SLC24A2: variants seen among roughly 807,000 people sequenced by gnomAD.
The protein encoded by SLC24A2 is sodium/potassium/calcium exchanger 2.
In SLC24A2, 36 loss-of-function variants were observed where a neutral mutation model predicts 62.0. The ratio of observed to expected loss-of-function variants is 0.58; its 90% CI spans 0.44 to 0.77. The LOEUF is 0.77. Ranked by LOEUF, SLC24A2 falls within the 30% of genes least tolerant of loss-of-function variation. The pLI is 0.00. For missense variants in SLC24A2, 846 were observed against 817.9 expected (o/e 1.03, Z -0.42); for synonymous variants, 358 against 294.0 (o/e 1.22, Z -2.23).
the SLC24A2 span, among the ~76,000 whole-genome samples, chr9:20,009,383 C>CAAAA: frequency 5.3e-4 from 59 of 112,318 alleles, no homozygotes; most frequent in East Asian, 0.019. Flanking sequence ...AACTCTGTCT[C>CAAAA]AAAAAAAAAA....
At chr9:19,991,846 A>G in the SLC24A2 span, among the ~76,000 whole-genome samples, 1 of 152,196 alleles carries the variant, frequency 6.6e-6, no homozygotes, top group Non-Finnish European at 1.5e-5. Context: ...CATTCAAAAT[A>G]GACATGAGCA....
chr9:20,112,990 C>A, the SLC24A2 span, among the ~76,000 whole-genome samples: 1 of 152,104 alleles, frequency 6.6e-6, no homozygotes, highest in Non-Finnish European at 1.5e-5. Flanking sequence ...GCAAGTAATT[C>A]TGGGTTCAAC....
intron 2 of SLC24A2, among the ~76,000 whole-genome samples, chr9:19,654,699 G>GTGTA (rs964609451): frequency 1.3e-5 from 2 of 151,982 alleles, no homozygotes; most frequent in African/African-American, 4.8e-5. Flanking sequence ...ATTTACCTAT[G>GTGTA]TATACCCTTT....
chr9:20,180,063 A>C, the SLC24A2 span, among the ~76,000 whole-genome samples: 1 of 152,220 alleles, frequency 6.6e-6, no homozygotes, highest in Non-Finnish European at 1.5e-5. Context: ...TGCCTGGCTA[A>C]AATCAACATA....
At chr9:19,533,560 C>T (rs1460724029) in intron 8 of SLC24A2, among the ~76,000 whole-genome samples, 1 of 152,154 alleles carries the variant, frequency 6.6e-6, no homozygotes, top group Non-Finnish European at 1.5e-5. Flanking sequence ...CGGCACTTTG[C>T]CATTATGTGA....
chr9:20,077,553 A>G, the SLC24A2 span, among the ~76,000 whole-genome samples: 280 of 152,314 alleles, frequency 1.8e-3, no homozygotes, highest in Non-Finnish European at 3.4e-3. Context: ...ACCAGCTTTC[A>G]GATGAGCACC....
chr9:19,536,181 T>C (rs969337305), intron 8 of SLC24A2, among the ~76,000 whole-genome samples: 1 of 150,952 alleles, frequency 6.6e-6, no homozygotes, highest in Non-Finnish European at 1.5e-5. Context: ...AAATTTTCTT[T>C]TTTTTTAATT....
the SLC24A2 span, among the ~76,000 whole-genome samples, chr9:20,019,228 A>T: frequency 2.0e-5 from 3 of 150,180 alleles, no homozygotes; most frequent in Admixed American, 1.3e-4. Flanking sequence ...AGACAGAAAG[A>T]AAGAAAGAAA....
At chr9:19,770,437 T>C (rs1312079677) in intron 2 of SLC24A2, among the ~76,000 whole-genome samples, 1 of 152,198 alleles carries the variant, frequency 6.6e-6, no homozygotes, top group African/African-American at 2.4e-5. Context: ...ATCCTTTCTA[T>C]AAAGACTATT....
At chr9:19,754,307 T>A (rs1277564079) in intron 2 of SLC24A2, among the ~76,000 whole-genome samples, 1 of 152,120 alleles carries the variant, frequency 6.6e-6, no homozygotes, top group Non-Finnish European at 1.5e-5. Context: ...CTATCCTCCT[T>A]CCCCAAGGCA....
intron 2 of SLC24A2, among the ~76,000 whole-genome samples, chr9:19,625,859 G>A (rs977169399): frequency 2.2e-4 from 33 of 151,800 alleles, no homozygotes; most frequent in African/African-American, 7.7e-4. Context: ...GCTAATTTTT[G>A]TATTCTTAGT....
At chr9:19,909,970 G>A in the SLC24A2 span, among the ~76,000 whole-genome samples, 2 of 151,846 alleles carry the variant, frequency 1.3e-5, no homozygotes, top group Non-Finnish European at 2.9e-5. Flanking sequence ...CCTTCCACTG[G>A]CCCTTCCATA....
chr9:20,234,258 A>G, the SLC24A2 span, among the ~76,000 whole-genome samples: 1 of 152,118 alleles, frequency 6.6e-6, no homozygotes, highest in Admixed American at 6.5e-5. Context: ...TATTTCCTGA[A>G]TTTGAATGTT....
At chr9:20,166,638 G>A in the SLC24A2 span, among the ~76,000 whole-genome samples, 1 of 152,072 alleles carries the variant, frequency 6.6e-6, no homozygotes, top group Middle Eastern at 3.4e-3. Flanking sequence ...GTAAGTTTAA[G>A]CCAGAAAATA....
intron 2 of SLC24A2, among the ~76,000 whole-genome samples, chr9:19,695,596 T>C (rs1461144125): frequency 6.8e-6 from 1 of 147,786 alleles, no homozygotes; most frequent in Non-Finnish European, 1.5e-5. Context: ...ATTCTGCTTG[T>C]AGGGATTTGT....
intron 2 of SLC24A2, among the ~76,000 whole-genome samples, chr9:19,783,795 A>G (rs1434968056): frequency 6.6e-6 from 1 of 152,198 alleles, no homozygotes; most frequent in Non-Finnish European, 1.5e-5. Flanking sequence ...TTTTTTGAGA[A>G]GTACAAAATA....
At chr9:19,949,247 G>A in the SLC24A2 span, among the ~76,000 whole-genome samples, 1 of 151,988 alleles carries the variant, frequency 6.6e-6, no homozygotes, top group Non-Finnish European at 1.5e-5. Flanking sequence ...GCACGCCTCG[G>A]CCTCCCAAAG....
the SLC24A2 span, among the ~76,000 whole-genome samples, chr9:20,075,854 A>C: frequency 6.6e-6 from 1 of 152,196 alleles, no homozygotes; most frequent in African/African-American, 2.4e-5. Flanking sequence ...ATCCATGAGG[A>C]ATTGGTTCCA....
chr9:19,767,645 A>G (rs547597552), intron 2 of SLC24A2, among the ~76,000 whole-genome samples: 1 of 152,296 alleles, frequency 6.6e-6, no homozygotes, highest in African/African-American at 2.4e-5. Context: ...CTGTCTAACC[A>G]GTCCCAGTGA....
Sources: allele counts gnomAD v4.1 joint callset (sites outside exome capture counted in the v4.1 genomes callset), GRCh38; gene constraint gnomAD v4.1.1; transcripts MANE v1.5; gene names NCBI Gene and HGNC (gene_info 2026-07-23, HGNC 2026-07-21).